CROCC: variants seen among roughly 807,000 people sequenced by gnomAD.
CROCC encodes the protein rootletin.
Under a neutral mutation model 245.2 loss-of-function variants are expected in CROCC, and 180 were observed. The observed-to-expected ratio is 0.73, with a 90% CI of 0.65 to 0.83. The LOEUF (loss-of-function observed/expected upper bound fraction) is 0.83, where lower values mean the gene tolerates loss of function less well. Among genes scored for constraint, CROCC ranks in the 40% least tolerant of loss-of-function variants. The pLI is 0.00. For synonymous variants in CROCC, 1,205 were observed against 1,241.6 expected (o/e 0.97, Z 0.62); for missense variants, 2,688 against 2,779.4 (o/e 0.97, Z 0.74).
Position 16,944,252 on chromosome 1 carries a change from G to A in CROCC, c.1961G>A (p.Gly654Asp), listed in dbSNP as rs1271685772. The A allele has an allele frequency of 3.9e-6, 6 of 1,548,132 alleles. No individual in the cohort carries two copies. Among genetic ancestry groups the A allele is most frequent in the Non-Finnish European group, 4.4e-6 (5 of 1,145,668 alleles). The change falls in exon 14 of 37, where the codon GGC becomes GAC. Residue 654 changes from glycine (G) to aspartate (D), a missense_variant. Transcript: ENST00000375541. ...EEEQEDAVQD[G>D]ARVRRELERS... Reference sequence around the variant, plus strand: ...GAGCAGGAGGACGCAGTGCAGGATGGCGCGCGGGTGCGCCGGGAGCTTGAG... The same window carrying A: ...GAGCAGGAGGACGCAGTGCAGGATGACGCGCGGGTGCGCCGGGAGCTTGAG...
chr1:16,953,341 C>T lies in CROCC; in HGVS notation c.3046C>T (p.Leu1016=). The change falls in exon 21 of 37, where the codon CTG becomes TTG. Residue 1016 remains leucine (L), a synonymous_variant. Coordinates refer to ENST00000375541, the MANE Select transcript of CROCC (RefSeq NM_014675.5). ...WRELEAERAQ[L]QSQLQREQEE... ...GGAGCTGGAGGCCGAGCGGGCCCAG[C>T]TGCAGAGTCAGCTGCAGCGTGAGCA... The T allele has an allele frequency of 6.2e-7, 1 of 1,604,412 alleles. No individual in the cohort carries two copies. Among genetic ancestry groups the T allele is most frequent in the Admixed American group, 1.7e-5 (1 of 59,092 alleles).
intron 3 of CROCC, among the ~76,000 whole-genome samples, chr1:16,926,675 T>C (rs1231309307): frequency 6.6e-6 from 1 of 152,238 alleles, no homozygotes. Context: ...TCCCCCCTTC[T>C]TGCTGTCCCT....
chr1:16,935,402 TCTC>T (rs1261013748), intron 8 of CROCC, among the ~76,000 whole-genome samples: 2 of 152,212 alleles, frequency 1.3e-5, no homozygotes, highest in Non-Finnish European at 2.9e-5. Flanking sequence ...AGGAAGAACT[TCTC>T]CACTGGTTTT....
chr1:16,950,568 G>C (rs1407794437), intron 19 of CROCC, among the ~76,000 whole-genome samples: 1 of 152,188 alleles, frequency 6.6e-6, no homozygotes, highest in Non-Finnish European at 1.5e-5. Context: ...ATGTTGGCCA[G>C]GTTGGTCTTG....
chr1:16,924,443 T>C lies in CROCC; in HGVS notation c.315T>C (p.Asp105=), dbSNP rs2075484692. ...TGGCCCAGAGCCGTGCCGAGCGCGA[T>C]GAGCTCGCCATTAAGTACAATGCGG... ...DLLAQSRAER[D]ELAIKYNAVS... is the part of the protein sequence containing the mutation. Residue 105 remains aspartate, a synonymous_variant, in exon 3 of 37, where the codon GAT becomes GAC. Coordinates refer to ENST00000375541, the MANE Select transcript of CROCC (RefSeq NM_014675.5). 6.2e-7 allele frequency: 1 copy of C among 1,613,454 alleles called. No homozygotes were observed. Among genetic ancestry groups the C allele is most frequent in the Non-Finnish European group, 8.5e-7 (1 of 1,179,902 alleles).
At chr1:16,960,533 G>A (rs1278155752) in intron 26 of CROCC, among the ~76,000 whole-genome samples, 1 of 152,222 alleles carries the variant, frequency 6.6e-6, no homozygotes, top group Admixed American at 6.5e-5. Context: ...AATAAACTAT[G>A]GGCATTACAA....
upstream of CROCC, among the ~76,000 whole-genome samples, chr1:16,920,686 A>G (rs142137311): frequency 4.3e-4 from 65 of 151,492 alleles, no homozygotes; most frequent in East Asian, 0.011. Flanking sequence ...GGAAAGAACA[A>G]TGGGAGGTGG....
At position 16,948,430 on chromosome 1, in the gene CROCC, G is replaced by T. The variant is rs1307612974; in HGVS notation, c.2614G>T (p.Glu872Ter). 1.3e-6 allele frequency: 2 copies of T among 1,569,806 alleles called. No homozygotes were observed. Among genetic ancestry groups the T allele is most frequent in the Non-Finnish European group, 1.7e-6 (2 of 1,159,374 alleles). Residue 872 changes from glutamate (E) to a stop codon, truncating the protein, a stop_gained, in exon 18 of 37, where the codon GAG becomes TAG. Coordinates refer to ENST00000375541, the MANE Select transcript of CROCC (RefSeq NM_014675.5). LOFTEE classifies it high-confidence loss of function. ...GCTGGAGCGAGCGGCCCGTGAGAAGGAGGCGCTAGCCAAGGAGCACGCTGG... is the reference window on the plus strand; with the variant it reads ...GCTGGAGCGAGCGGCCCGTGAGAAGTAGGCGCTAGCCAAGGAGCACGCTGG... ...EALERAAREK[E>*]ALAKEHAGLA...
At chr1:16,970,005 C>A (rs2076488351) in intron 33 of CROCC, 71 bp downstream of exon 33, 1 of 1,496,950 alleles carries the variant, frequency 6.7e-7, no homozygotes, top group South Asian at 1.4e-5. Flanking sequence ...GACGTTCCCA[C>A]CCATCTCAAC....
At chr1:16,964,629 C>T (rs1039265053) in intron 27 of CROCC, among the ~76,000 whole-genome samples, 1 of 152,104 alleles carries the variant, frequency 6.6e-6, no homozygotes. Context: ...GTGATCTGCC[C>T]ACCTCGGCAT....
In CROCC at chr1:16,969,794, G is replaced by T. The variant is rs1263715144; in HGVS notation, c.5311G>T (p.Asp1771Tyr). 1 of 1,612,542 alleles carries T rather than the reference G, an allele frequency of 6.2e-7. No individual in the cohort carries two copies. Among genetic ancestry groups the T allele is most frequent in the Non-Finnish European group, 8.5e-7 (1 of 1,179,490 alleles). Residue 1771 changes from aspartate (D) to tyrosine (Y), a missense_variant, in exon 33 of 37, where the codon GAT (aspartate) becomes TAT (tyrosine). Asp to Tyr is a radical substitution (Grantham distance 160). Coordinates refer to ENST00000375541, the MANE Select transcript of CROCC (RefSeq NM_014675.5). ...HDRQVLQERL[D>Y]AARQALSEAR... ...AGCCCCTGTCCCCCAGGAACGGCTG[G>T]ATGCCGCCCGGCAGGCATTATCTGA...
rs557045471 is a variant in CROCC, at chr1:16,931,540, C to A, written c.956+143C>A. On this transcript the variant is annotated intron_variant, in intron 8 of 36. Transcript: ENST00000375541. ...AGGACACAGAGGCAACTTGTAATAA[C>A]CATTACCACAGTCGTGGCAGTCAGC... is the stretch of plus-strand genomic sequence containing the variant. 1.3e-4 allele frequency: 88 copies of A among 699,946 alleles called. No individual in the cohort carries two copies. In the African/African-American group the frequency reaches 1.3e-3, roughly 10 times the overall value. 43.4% of individuals were successfully genotyped at this position (699,946 alleles called of 1,614,324 possible). A position where few individuals can be genotyped will look rare whatever the true frequency, so the allele number is the denominator to read the frequency against.
chr1:16,964,137 A>ATT (rs59284131), intron 27 of CROCC, among the ~76,000 whole-genome samples: 9,426 of 119,328 alleles, frequency 0.079, 472 homozygotes, highest in South Asian at 0.18. Context: ...TTTTTTCTTT[A>ATT]TTTTTTTTTT....
chr1:16,963,805 T>C (rs553864262), intron 27 of CROCC, among the ~76,000 whole-genome samples: 1 of 132,566 alleles, frequency 7.5e-6, no homozygotes. Flanking sequence ...TTTGTTTTTG[T>C]TTTTTTTTGA....
At chr1:16,937,384 G>T (rs1420469879) in intron 9 of CROCC, among the ~76,000 whole-genome samples, 2 of 151,994 alleles carry the variant, frequency 1.3e-5, no homozygotes, top group East Asian at 1.9e-4. Context: ...AAGAACTCGT[G>T]CCCCTTACTC....
intron 34 of CROCC, 28 bp from the exon 35 acceptor site, chr1:16,970,608 C>A: frequency 6.6e-7 from 1 of 1,513,274 alleles, no homozygotes; most frequent in Admixed American, 2.2e-5. Context: ...CTCCTGGCAC[C>A]CTGATCTCCT....
At position 16,930,270 on chromosome 1, in the gene CROCC, C is replaced by G; in HGVS notation, c.622-16C>G. 1.3e-6 allele frequency: 2 copies of G among 1,597,328 alleles called. No homozygotes were observed. The highest frequency in any genetic ancestry group is 1.1e-5 in the South Asian group (1 of 88,720). ...CCACCTGCCCAACCTGATGCTTTAACCTCTCTCCCACCCAGGACACAGAGC... is the reference window on the plus strand; with the variant it reads ...CCACCTGCCCAACCTGATGCTTTAAGCTCTCTCCCACCCAGGACACAGAGC... On this transcript the variant is annotated splice_polypyrimidine_tract_variant and intron_variant, in intron 5 of 36. Transcript: ENST00000375541.
intron 33 of CROCC, 58 bp downstream of exon 33, chr1:16,969,992 G>A: frequency 6.6e-7 from 1 of 1,516,924 alleles, no homozygotes; most frequent in Non-Finnish European, 8.8e-7. Flanking sequence ...AGGATAGGGT[G>A]GGGACGTTCC....
chr1:16,938,858 C>T (rs772075316), intron 11 of CROCC, 51 bp from the exon 12 acceptor site: 3 of 1,560,328 alleles, frequency 1.9e-6, no homozygotes, highest in Admixed American at 3.7e-5. Flanking sequence ...CCAGCTAACC[C>T]CGCGGTTCCT....
Sources: gnomAD v4.1 joint callset for allele counts (sites outside exome capture counted in the v4.1 genomes callset) on GRCh38, gnomAD v4.1.1 for gene constraint, MANE v1.5 for transcripts, NCBI Gene and HGNC (gene_info 2026-07-23, HGNC 2026-07-21) for gene names.